OTC: variants seen among roughly 807,000 people sequenced by gnomAD.
OTC encodes ornithine transcarbamylase, also known as ornithine transcarbamylase, mitochondrial.
OTC carries 3 observed loss-of-function variants against 30.3 expected under a neutral mutation model. The observed-to-expected ratio is 0.10, with a 90% CI of 0.05 to 0.26. OTC has a LOEUF of 0.26. Ranked by LOEUF, OTC falls within the 10% of genes least tolerant of loss-of-function variation. The pLI, the probability that OTC is intolerant of heterozygous loss-of-function variation, is 1.00. For missense variants in OTC, 194 were observed against 260.3 expected (o/e 0.75, Z 1.75); for synonymous variants, 111 against 99.7 (o/e 1.11, Z -0.67).
At chrX:38,393,699 T>G (rs6651665) in intron 4 of OTC, among the ~76,000 whole-genome samples, 29,770 of 111,696 alleles carry the variant, frequency 0.27, 3,430 homozygotes, top group African/African-American at 0.41. Flanking sequence ...ATAGTTTTTG[T>G]TTTTTGTCAT....
intron 9 of OTC, among the ~76,000 whole-genome samples, chrX:38,419,450 C>A (rs2068584741): frequency 9.0e-6 from 1 of 111,574 alleles, no homozygotes; most frequent in African/African-American, 3.3e-5. Context: ...TACATTAATT[C>A]TTTCAATCCA....
chrX:38,377,651 T>C (rs757606494), intron 3 of OTC, among the ~76,000 whole-genome samples: 68 of 111,973 alleles, frequency 6.1e-4, no homozygotes, highest in African/African-American at 2.2e-3. Context: ...TCCTGACTTG[T>C]CTCCCTGCTT....
downstream of OTC, among the ~76,000 whole-genome samples, chrX:38,422,619 T>C (rs1228657459): frequency 8.9e-6 from 1 of 112,341 alleles, no homozygotes; most frequent in Admixed American, 9.5e-5. Context: ...TGCCAAAATA[T>C]AGTCATTTTT....
chrX:38,332,101 A>G, the OTC span, among the ~76,000 whole-genome samples: 3 of 109,594 alleles, frequency 2.7e-5, no homozygotes, highest in Admixed American at 9.8e-5. Flanking sequence ...TGTGAACTGC[A>G]CATGGGAGGG....
At chrX:38,386,756 A>C (rs919764896) in intron 4 of OTC, among the ~76,000 whole-genome samples, 5 of 112,558 alleles carry the variant, frequency 4.4e-5, no homozygotes, top group African/African-American at 1.6e-4. Context: ...TAGTGCTGCA[A>C]GGAACACAAT....
At chrX:38,335,850 C>A in the OTC span, among the ~76,000 whole-genome samples, 1 of 111,411 alleles carries the variant, frequency 9.0e-6, no homozygotes, top group Non-Finnish European at 1.9e-5. Flanking sequence ...AACAGGGTCC[C>A]TTGAAAAAAT....
chrX:38,343,183 C>T, the OTC span, among the ~76,000 whole-genome samples: 1 of 111,729 alleles, frequency 9.0e-6, no homozygotes, highest in Non-Finnish European at 1.9e-5. Context: ...AAACCCTGGT[C>T]AGTAGAAAGC....
upstream of OTC, among the ~76,000 whole-genome samples, chrX:38,349,846 G>A (rs926156195): frequency 5.4e-5 from 6 of 111,773 alleles, no homozygotes; most frequent in Admixed American, 5.7e-4. Context: ...GATACTCGTA[G>A]TTTTTTGTTT....
At chrX:38,330,177 G>A in the OTC span, among the ~76,000 whole-genome samples, 8 of 111,625 alleles carry the variant, frequency 7.2e-5, no homozygotes, top group African/African-American at 1.3e-4. Flanking sequence ...ATACAACAGC[G>A]CTGGCTGTGA....
chrX:38,406,784 C>T (rs2068517833), intron 6 of OTC, among the ~76,000 whole-genome samples: 1 of 111,871 alleles, frequency 8.9e-6, no homozygotes, highest in Non-Finnish European at 1.9e-5. Context: ...ATTACTTTCC[C>T]CAAATCTCTA....
intron 3 of OTC, among the ~76,000 whole-genome samples, chrX:38,374,922 C>A (rs773576621): frequency 8.9e-6 from 1 of 112,234 alleles, no homozygotes; most frequent in Non-Finnish European, 1.9e-5. Flanking sequence ...ATTATAATCA[C>A]CACTAAACTT....
chrX:38,346,707 G>T, the OTC span, among the ~76,000 whole-genome samples: 2 of 112,705 alleles, frequency 1.8e-5, no homozygotes, highest in Middle Eastern at 4.6e-3. Context: ...ATACTACACA[G>T]TGTATGGTTC....
chrX:38,404,163 T>C (rs2068504624), intron 6 of OTC, among the ~76,000 whole-genome samples: 1 of 110,913 alleles, frequency 9.0e-6, no homozygotes, highest in Non-Finnish European at 1.9e-5. Flanking sequence ...GTGAATCCAA[T>C]GTGAGGATCA....
At chrX:38,330,211 G>A in the OTC span, among the ~76,000 whole-genome samples, 56 of 111,935 alleles carry the variant, frequency 5.0e-4, no homozygotes, top group East Asian at 0.014. Flanking sequence ...GGCCATGAGC[G>A]GAGGAATGCA....
intron 3 of OTC, among the ~76,000 whole-genome samples, chrX:38,371,066 C>A (rs73196217): frequency 0.16 from 18,190 of 111,177 alleles, 1,345 homozygotes; most frequent in Middle Eastern, 0.23. Context: ...CATGCCCCCC[C>A]ATCCTTCAGA....
At chrX:38,373,989 C>T (rs1440744580) in intron 3 of OTC, among the ~76,000 whole-genome samples, 1 of 110,402 alleles carries the variant, frequency 9.1e-6, no homozygotes, top group Non-Finnish European at 1.9e-5. Context: ...ACAGTGAAAC[C>T]CCATCTCTAC....
chrX:38,415,788 G>A (rs1261111565), intron 9 of OTC, among the ~76,000 whole-genome samples: 1 of 112,213 alleles, frequency 8.9e-6, no homozygotes, highest in East Asian at 2.8e-4. Context: ...CTGGGAGGCA[G>A]AGGTTGCAGT....
At chrX:38,386,029 G>T (rs2068401061) in intron 4 of OTC, among the ~76,000 whole-genome samples, 1 of 109,791 alleles carries the variant, frequency 9.1e-6, no homozygotes, top group South Asian at 3.9e-4. Context: ...AGAGGTTGCA[G>T]TGAGCCCAGA....
chrX:38,396,837 G>T (rs964776573), intron 4 of OTC, among the ~76,000 whole-genome samples: 22 of 111,809 alleles, frequency 2.0e-4, no homozygotes, highest in Non-Finnish European at 3.2e-4. Flanking sequence ...GGAGTAAATG[G>T]TTATTATCGT....
Sources: allele counts gnomAD v4.1 joint callset (sites outside exome capture counted in the v4.1 genomes callset), GRCh38; gene constraint gnomAD v4.1.1; transcripts MANE v1.5; gene names NCBI Gene and HGNC (gene_info 2026-07-23, HGNC 2026-07-21).